The following SLC9A9 variants were observed in gnomAD, a reference collection of about 807,000 sequenced individuals.
The protein encoded by SLC9A9 is solute carrier family 9 member A9, also known as sodium/hydrogen exchanger 9.
SLC9A9 carries 62 observed loss-of-function variants against 77.8 expected under a neutral mutation model. That is an observed-to-expected ratio of 0.80 (90% CI 0.65 to 0.98). SLC9A9 has a LOEUF of 0.98. Among genes scored for constraint, SLC9A9 ranks in the 50% least tolerant of loss-of-function variants. The pLI is 0.00. For synonymous variants in SLC9A9, 320 were observed against 283.5 expected (o/e 1.13, Z -1.29); for missense variants, 775 against 774.9 (o/e 1.00, Z 0.00).
At chr3:143,616,620 T>C (rs1337116807) in intron 6 of SLC9A9, among the ~76,000 whole-genome samples, 1 of 152,162 alleles carries the variant, frequency 6.6e-6, no homozygotes, top group African/African-American at 2.4e-5. Context: ...CCGAGCTGAC[T>C]TATGGAAATA....
chr3:143,706,073 G>A (rs553631784), intron 4 of SLC9A9, among the ~76,000 whole-genome samples: 74 of 152,318 alleles, frequency 4.9e-4, no homozygotes, highest in South Asian at 2.1e-3. Context: ...GCCAGGTGAG[G>A]AGAATTCCAA....
intron 12 of SLC9A9, among the ~76,000 whole-genome samples, chr3:143,399,738 C>A (rs1354551863): frequency 6.6e-6 from 1 of 152,106 alleles, no homozygotes; most frequent in East Asian, 1.9e-4. Flanking sequence ...TCTAGGAGAT[C>A]ATGATGACAG....
chr3:143,684,366 T>C (rs943994027), intron 5 of SLC9A9, among the ~76,000 whole-genome samples: 10 of 152,096 alleles, frequency 6.6e-5, no homozygotes, highest in African/African-American at 2.4e-4. Flanking sequence ...TCAAATAGAT[T>C]TTTAAAATCT....
intron 14 of SLC9A9, among the ~76,000 whole-genome samples, chr3:143,339,487 A>C (rs189910002): frequency 1.3e-4 from 20 of 151,120 alleles, no homozygotes; most frequent in African/African-American, 4.9e-4. Context: ...TATGCAGTAG[A>C]TAGCATTCCT....
intron 8 of SLC9A9, among the ~76,000 whole-genome samples, chr3:143,569,169 C>A (rs944847388): frequency 2.0e-5 from 3 of 151,724 alleles, no homozygotes; most frequent in Admixed American, 1.3e-4. Flanking sequence ...CTGTTTGGAA[C>A]CTGTTATTTC....
chr3:143,735,380 A>G (rs1048343829), intron 4 of SLC9A9, among the ~76,000 whole-genome samples: 5 of 152,212 alleles, frequency 3.3e-5, no homozygotes, highest in Admixed American at 3.3e-4. Flanking sequence ...CCAGAATCCT[A>G]GATTTAAAAA....
chr3:143,328,670 A>G (rs2031676644), intron 14 of SLC9A9, among the ~76,000 whole-genome samples: 1 of 152,080 alleles, frequency 6.6e-6, no homozygotes, highest in South Asian at 2.1e-4. Flanking sequence ...ATTTGCTTGA[A>G]CTTTTCCAGC....
chr3:143,276,747 T>C (rs1938061959), intron 14 of SLC9A9, among the ~76,000 whole-genome samples: 2 of 152,112 alleles, frequency 1.3e-5, no homozygotes, highest in South Asian at 4.1e-4. Context: ...ACCATGGTTC[T>C]TAACCTTCCC....
chr3:143,726,180 A>T (rs1372239306), intron 4 of SLC9A9, among the ~76,000 whole-genome samples: 1 of 150,650 alleles, frequency 6.6e-6, no homozygotes, highest in African/African-American at 2.4e-5. Flanking sequence ...ACACACGTTT[A>T]CCTATGTAAC....
chr3:143,528,842 C>T (rs1298729196), intron 9 of SLC9A9, among the ~76,000 whole-genome samples: 1 of 151,696 alleles, frequency 6.6e-6, no homozygotes, highest in Non-Finnish European at 1.5e-5. Context: ...TAAGTACTTA[C>T]TGTGTGCCAG....
Position 143,803,087 on chromosome 3 carries a change from G to C in SLC9A9, c.379-6184C>G, listed in dbSNP as rs185309008. On this transcript the variant is annotated intron_variant, in intron 2 of 15. Coordinates refer to ENST00000316549, the MANE Select transcript of SLC9A9 (RefSeq NM_173653.4). ...CCCCTCAAACTCTACAACCTCGATG[G>C]ACTGGACCCTACTTAGTCATCTATA... is the stretch of plus-strand genomic sequence containing the variant. 2.6e-5 allele frequency among the ~76,000 whole-genome samples: 4 copies of C among 152,128 alleles called. No homozygotes were observed. In the East Asian group the frequency reaches 7.7e-4, roughly 29 times the overall value.
intron 9 of SLC9A9, among the ~76,000 whole-genome samples, chr3:143,543,799 C>T (rs2036736518): frequency 7.8e-6 from 1 of 127,886 alleles, no homozygotes; most frequent in Admixed American, 7.6e-5. Context: ...TGTTGATGGA[C>T]ACCTAGATTG....
At chr3:143,433,289 G>A (rs574503411) in intron 12 of SLC9A9, among the ~76,000 whole-genome samples, 1 of 152,138 alleles carries the variant, frequency 6.6e-6, no homozygotes, top group South Asian at 2.1e-4. Context: ...GATGGTTGCT[G>A]GGTTCTTTGG....
rs539096886 is a variant in SLC9A9, at chr3:143,372,642, C to G, written c.1525-9079G>C. Among the ~76,000 whole-genome samples the G allele has an allele frequency of 2.2e-3, 334 of 152,126 alleles. 3 individuals carry two copies. Among genetic ancestry groups the G allele is most frequent in the African/African-American group, 7.5e-3 (310 of 41,524 alleles). On this transcript the variant is annotated intron_variant, in intron 13 of 15. Transcript: ENST00000316549. ...GGGCCTAATTAATCTAATAAACTTA[C>G]GTGTAGCAAAATAAATTATCAATAG...
chr3:143,639,394 C>T (rs190378110), intron 6 of SLC9A9, among the ~76,000 whole-genome samples: 2 of 152,206 alleles, frequency 1.3e-5, no homozygotes, highest in African/African-American at 4.8e-5. Context: ...CATGGGCATT[C>T]ATGCCTCTGG....
chr3:143,512,520 A>G (rs1363114139), intron 9 of SLC9A9, among the ~76,000 whole-genome samples: 1 of 152,248 alleles, frequency 6.6e-6, no homozygotes, highest in Non-Finnish European at 1.5e-5. Context: ...TTCACAGTGT[A>G]TATAAAAGTT....
chr3:143,296,847 C>T (rs1360555870), intron 14 of SLC9A9, among the ~76,000 whole-genome samples: 4 of 152,118 alleles, frequency 2.6e-5, no homozygotes, highest in African/African-American at 9.7e-5. Flanking sequence ...AGAGAAATAT[C>T]AAGTCCTTTG....
intron 6 of SLC9A9, among the ~76,000 whole-genome samples, chr3:143,630,941 C>A (rs111585729): frequency 1.3e-5 from 2 of 152,036 alleles, no homozygotes; most frequent in South Asian, 4.1e-4. Flanking sequence ...TTTTGGGAAT[C>A]TTGATATTTT....
chr3:143,549,986 T>G (rs1038315044), intron 9 of SLC9A9, among the ~76,000 whole-genome samples: 4 of 152,070 alleles, frequency 2.6e-5, no homozygotes, highest in Non-Finnish European at 5.9e-5. Context: ...TTGGGGGGCT[T>G]TTTTCTTTTG....
Sources: allele counts gnomAD v4.1 joint callset (sites outside exome capture counted in the v4.1 genomes callset), GRCh38; gene constraint gnomAD v4.1.1; transcripts MANE v1.5; gene names NCBI Gene and HGNC (gene_info 2026-07-23, HGNC 2026-07-21).